Variants in NCKAP1 observed in about 807,000 individuals in gnomAD.
NCKAP1 encodes nck-associated protein 1.
NCKAP1 carries 21 observed loss-of-function variants against 151.2 expected under a neutral mutation model. That is an observed-to-expected ratio of 0.14 (90% CI 0.10 to 0.20). The LOEUF is 0.20. Ranked by LOEUF, NCKAP1 falls within the 10% of genes least tolerant of loss-of-function variation. The pLI is 1.00. For synonymous variants in NCKAP1, 484 were observed against 451.8 expected, an observed-to-expected ratio of 1.07 and a Z score of -0.90; for missense variants, 933 against 1,352.1, an observed-to-expected ratio of 0.69 and a Z score of 4.86.
At chr2:182,981,669 GAGGCCAA>G (rs1697941646) in intron 12 of NCKAP1, among the ~76,000 whole-genome samples, 1 of 152,018 alleles carries the variant, frequency 6.6e-6, no homozygotes, top group Admixed American at 6.6e-5. Context: ...AGCACTTTGG[GAGGCCAA>G]AGCGGGCTGA....
At position 183,038,355 on chromosome 2, in the gene NCKAP1, AC is replaced by A; in HGVS notation, c.-257del. On this transcript the variant is annotated 5_prime_UTR_variant, in exon 1 of 31. Coordinates refer to ENST00000361354, the MANE Select transcript of NCKAP1 (RefSeq NM_013436.5). ...TTCCGCCCGCCGCCCTTCCGCCCCCACCCCCGGCGCTCTCCGCCCCAGCCCC... is the reference window on the plus strand; with the variant it reads ...TTCCGCCCGCCGCCCTTCCGCCCCCACCCCGGCGCTCTCCGCCCCAGCCCC... The A allele has an allele frequency of 3.7e-6, 1 of 273,058 alleles. No individual in the cohort carries two copies. The highest frequency in any genetic ancestry group is 6.7e-6 in the Non-Finnish European group (1 of 150,118). 16.9% of individuals were successfully genotyped at this position (273,058 alleles called of 1,614,324 possible). A position where few individuals can be genotyped will look rare whatever the true frequency, so the allele number is the denominator to read the frequency against.
intron 1 of NCKAP1, among the ~76,000 whole-genome samples, chr2:183,037,258 C>T (rs2105904841): frequency 6.6e-6 from 1 of 152,084 alleles, no homozygotes; most frequent in East Asian, 1.9e-4. Flanking sequence ...GTACAGACAC[C>T]GAACTTTAAG....
rs1171916248 is a variant in NCKAP1 at position 182,910,341 on chromosome 2, T to C, written c.*15361A>G. 1 of 152,220 alleles carries C rather than the reference T, an allele frequency of 6.6e-6. No homozygotes were observed. The highest frequency in any genetic ancestry group is 1.9e-4 in the East Asian group (1 of 5,200). The allele number at this position is 152,220 out of a possible 1,614,324, so 9.4% of individuals were successfully genotyped here. ...TCCAGGCAAATGTACTAAAATTCTTTGAGAGATGAGAGGAAATATTTTTCA... is the reference window on the plus strand; with the variant it reads ...TCCAGGCAAATGTACTAAAATTCTTCGAGAGATGAGAGGAAATATTTTTCA... On this transcript the variant is annotated 3_prime_UTR_variant, in exon 31 of 31. Coordinates refer to ENST00000361354, the MANE Select transcript of NCKAP1 (RefSeq NM_013436.5).
At chr2:182,968,711 T>A (rs1286085817) in intron 15 of NCKAP1, among the ~76,000 whole-genome samples, 1 of 152,230 alleles carries the variant, frequency 6.6e-6, no homozygotes, top group Non-Finnish European at 1.5e-5. Flanking sequence ...TATATGCTGA[T>A]GCCTATGCTG....
chr2:182,945,246 A>G (rs1697077026), intron 23 of NCKAP1, among the ~76,000 whole-genome samples: 1 of 16,620 alleles, frequency 6.0e-5, no homozygotes, highest in African/African-American at 1.0e-4. Context: ...AAAATAAAAA[A>G]CAAAAAAAAA....
chr2:182,983,514 T>A, intron 10 of NCKAP1, 132 bp from the exon 11 acceptor site: 1 of 580,916 alleles, frequency 1.7e-6, no homozygotes, highest in South Asian at 2.6e-5. Flanking sequence ...AAAAATCATC[T>A]TCTATGTGTC....
At chr2:182,971,263 G>A (rs1303129054) in intron 15 of NCKAP1, among the ~76,000 whole-genome samples, 8 of 149,696 alleles carry the variant, frequency 5.3e-5, no homozygotes, top group South Asian at 4.2e-4. Context: ...GCGTAGTGGC[G>A]GGCGCCTGTA....
In NCKAP1 at chr2:182,921,531, T is replaced by A. The variant is rs557780854; in HGVS notation, c.*4171A>T. The A allele has an allele frequency of 6.6e-6, 1 of 152,340 alleles. No homozygotes were observed. Among genetic ancestry groups the A allele is most frequent in the South Asian group, 2.1e-4 (1 of 4,824 alleles). The allele number at this position is 152,340 out of a possible 1,614,324, so 9.4% of individuals were successfully genotyped here. On this transcript the variant is annotated 3_prime_UTR_variant, in exon 31 of 31. Coordinates refer to ENST00000361354, the MANE Select transcript of NCKAP1 (RefSeq NM_013436.5). ...GCCCTCATGTAAGAGGTGACCAAGA[T>A]GCACCTGCACCAAGAGCACCAAGAG... is the stretch of plus-strand genomic sequence containing the variant.
At chr2:182,961,600 G>GGATA (rs1263052727) in intron 18 of NCKAP1, among the ~76,000 whole-genome samples, 2 of 152,082 alleles carry the variant, frequency 1.3e-5, no homozygotes, top group African/African-American at 4.8e-5. Flanking sequence ...AATTGGGGAG[G>GGATA]GATAGCATTA....
intron 6 of NCKAP1, among the ~76,000 whole-genome samples, chr2:182,996,421 T>C (rs1202716920): frequency 2.0e-5 from 3 of 152,230 alleles, no homozygotes; most frequent in Non-Finnish European, 4.4e-5. Flanking sequence ...AAATGTCTTT[T>C]GCTATTAATC....
chr2:182,948,353 A>G (rs1342367697), intron 23 of NCKAP1, among the ~76,000 whole-genome samples: 1 of 152,142 alleles, frequency 6.6e-6, no homozygotes, highest in Non-Finnish European at 1.5e-5. Context: ...ATGTTTTAAC[A>G]TCCTTAACCA....
chr2:182,962,061 G>C, intron 18 of NCKAP1, 98 bp downstream of exon 18: 2 of 1,243,544 alleles, frequency 1.6e-6, no homozygotes, highest in East Asian at 2.4e-5. Context: ...AATAGTGTGG[G>C]AACTAAAGAA....
In NCKAP1 at chr2:182,962,180, T is replaced by C. The variant is rs770004612; in HGVS notation, c.1860A>G (p.Glu620=). 93 of 1,612,484 alleles carry C rather than the reference T, an allele frequency of 5.8e-5. 1 individual carries two copies. The highest frequency in any genetic ancestry group is 1.6e-4 in the Middle Eastern group (1 of 6,074). ...TTACCTGGTCACTAAGGGTACACTG[T>C]TCTGTGCAAATATCAGTGATGAGAT... The part of the protein sequence containing the change: ...ARNLITDICT[E]QCTLSDQLLP... Residue 620 remains glutamate, a synonymous_variant, in exon 18 of 31, where the codon GAA becomes GAG. Transcript: ENST00000361354.
rs1698575802 is a variant in NCKAP1 at position 183,010,700 on chromosome 2, T to A, written c.220-7375A>T. ...AATTAAAGCAAACTTTGAAATTAAT[T>A]TTATCATCAGTACTACAAAAATCAC... On this transcript the variant is annotated intron_variant, in intron 2 of 30. Coordinates refer to ENST00000361354, the MANE Select transcript of NCKAP1 (RefSeq NM_013436.5). Among the ~76,000 whole-genome samples, 3 of 152,196 alleles carry A rather than the reference T, an allele frequency of 2.0e-5. No individual in the cohort carries two copies. In the South Asian group the frequency reaches 6.2e-4, roughly 31 times the overall value.
intron 1 of NCKAP1, among the ~76,000 whole-genome samples, chr2:183,035,585 T>C (rs748923474): frequency 1.3e-5 from 2 of 152,146 alleles, no homozygotes; most frequent in Non-Finnish European, 2.9e-5. Flanking sequence ...TATAATGCAG[T>C]AAGAATGCAG....
Position 182,989,585 on chromosome 2 carries a change from G to A in NCKAP1, c.791-399C>T, listed in dbSNP as rs750273671. Among the ~76,000 whole-genome samples, 75 of 152,158 alleles carry A rather than the reference G, an allele frequency of 4.9e-4. 2 individuals are homozygous for A. Among genetic ancestry groups the A allele is most frequent in the Non-Finnish European group, 8.8e-5 (6 of 68,030 alleles). On this transcript the variant is annotated intron_variant, in intron 8 of 30. Coordinates refer to ENST00000361354, the MANE Select transcript of NCKAP1 (RefSeq NM_013436.5). ...CTTGGGGCCCGGTGCTGTGGCTTATGCCTTTAATCCCAGCACTGCGGGAGG... is the reference window on the plus strand; with the variant it reads ...CTTGGGGCCCGGTGCTGTGGCTTATACCTTTAATCCCAGCACTGCGGGAGG...
chr2:183,011,997 C>T (rs937470834), intron 2 of NCKAP1, among the ~76,000 whole-genome samples: 3 of 152,120 alleles, frequency 2.0e-5, no homozygotes, highest in Non-Finnish European at 4.4e-5. Flanking sequence ...TGTGTATATA[C>T]GTGTACAGGG....
intron 19 of NCKAP1, 95 bp downstream of exon 19, chr2:182,957,362 A>C: frequency 1.6e-6 from 2 of 1,231,492 alleles, no homozygotes; most frequent in African/African-American, 3.1e-5. Context: ...AAGAATATAC[A>C]ATTATTAGCA....
At chr2:182,951,636 C>CAAAAAAAAAAAAAA (rs11336221) in intron 23 of NCKAP1, among the ~76,000 whole-genome samples, 3 of 90,790 alleles carry the variant, frequency 3.3e-5, no homozygotes, top group Non-Finnish European at 4.2e-5. Context: ...GACTCCATCT[C>CAAAAAAAAAAAAAA]AAAAAAAAAA....
Sources: gnomAD v4.1 joint callset for allele counts (sites outside exome capture counted in the v4.1 genomes callset) on GRCh38, gnomAD v4.1.1 for gene constraint, MANE v1.5 for transcripts, NCBI Gene and HGNC (gene_info 2026-07-23, HGNC 2026-07-21) for gene names.